DEPDC5: variants seen among roughly 807,000 people sequenced by gnomAD.
The protein encoded by DEPDC5 is GATOR1 complex protein DEPDC5.
Under a neutral mutation model 217.3 loss-of-function variants are expected in DEPDC5, and 73 were observed. The ratio of observed to expected loss-of-function variants is 0.34; its 90% CI spans 0.28 to 0.41. The LOEUF (loss-of-function observed/expected upper bound fraction) is 0.41, where lower values mean the gene tolerates loss of function less well. Among genes scored for constraint, DEPDC5 ranks in the 10% least tolerant of loss-of-function variants. DEPDC5 has a pLI of 1.00. For missense variants in DEPDC5, 1,675 were observed against 2,070.1 expected, an observed-to-expected ratio of 0.81 and a Z score of 3.70; for synonymous variants, 733 against 756.7, an observed-to-expected ratio of 0.97 and a Z score of 0.51.
intron 24 of DEPDC5, chr22:31,830,993 T>A (rs1347341579): frequency 5.9e-5 from 9 of 152,160 alleles, no homozygotes; most frequent in Non-Finnish European, 8.8e-5. Flanking sequence ...CCTCGTTGCT[T>A]CTTTATAATC....
chr22:31,865,074 C>T (rs1034742264), intron 33 of DEPDC5, among the ~76,000 whole-genome samples: 4 of 142,090 alleles, frequency 2.8e-5, no homozygotes, highest in African/African-American at 1.3e-4. Context: ...GATCTACCCG[C>T]CTCGGCCTCC....
intron 20 of DEPDC5, among the ~76,000 whole-genome samples, chr22:31,813,730 C>A (rs2088721388): frequency 6.6e-6 from 1 of 151,376 alleles, no homozygotes. Context: ...AGGAAATGTT[C>A]AGACGTGCTC....
chr22:31,810,678 A>G (rs770000656), intron 20 of DEPDC5, 37 bp downstream of exon 20: 6 of 1,611,454 alleles, frequency 3.7e-6, no homozygotes, highest in South Asian at 3.3e-5. Flanking sequence ...GCATATAAAA[A>G]TTGTGTAGGA....
chr22:31,846,355 T>C (rs2149034263), intron 30 of DEPDC5, among the ~76,000 whole-genome samples: 1 of 152,318 alleles, frequency 6.6e-6, no homozygotes, highest in African/African-American at 2.4e-5. Flanking sequence ...GCCATGTTTT[T>C]TTTGTTTTTA....
At position 31,797,688 on chromosome 22, in the gene DEPDC5, C is replaced by A; in HGVS notation, c.856C>A (p.Arg286=). 6.2e-7 allele frequency: 1 copy of A among 1,613,210 alleles called. No homozygotes were observed. The highest frequency in any genetic ancestry group is 2.2e-5 in the East Asian group (1 of 44,884). The part of the protein sequence containing the change: ...KLFIQYPVLV[R]LEQAEGFPQG... Reference sequence around the variant, plus strand: ...CTTCATCCAGTATCCAGTGTTGGTGCGACTGGAACAGGCAGGTACTGCATT... The same window carrying A: ...CTTCATCCAGTATCCAGTGTTGGTGAGACTGGAACAGGCAGGTACTGCATT... Residue 286 remains arginine (R), a synonymous_variant, in exon 13 of 43, where the codon CGA becomes AGA. Coordinates refer to ENST00000651528, the MANE Select transcript of DEPDC5 (RefSeq NM_001242896.3).
chr22:31,776,277 A>C (rs978742775), intron 7 of DEPDC5, among the ~76,000 whole-genome samples: 1 of 151,474 alleles, frequency 6.6e-6, no homozygotes, highest in African/African-American at 2.4e-5. Flanking sequence ...TACCTGCCTA[A>C]TTTTTTGTAT....
At chr22:31,831,874 A>G (rs2090625516) in intron 24 of DEPDC5, among the ~76,000 whole-genome samples, 1 of 152,250 alleles carries the variant, frequency 6.6e-6, no homozygotes, top group South Asian at 2.1e-4. Flanking sequence ...AAACACATCA[A>G]GATAAGAAAA....
At chr22:31,837,854 A>T (rs150638308) in intron 26 of DEPDC5, among the ~76,000 whole-genome samples, 41 of 152,158 alleles carry the variant, frequency 2.7e-4, no homozygotes, top group African/African-American at 8.9e-4. Flanking sequence ...GGCGTGTGCC[A>T]CCACACATGG....
intron 25 of DEPDC5, among the ~76,000 whole-genome samples, chr22:31,834,658 A>T (rs1055114029): frequency 6.6e-6 from 1 of 151,938 alleles, no homozygotes; most frequent in South Asian, 2.1e-4. Context: ...CTGGGATTAT[A>T]GGCGCGCGCC....
Position 31,754,865 on chromosome 22 carries a change from G to A in DEPDC5, c.-57G>A. The A allele has an allele frequency of 6.3e-7, 1 of 1,593,112 alleles. No individual in the cohort carries two copies. The highest frequency in any genetic ancestry group is 1.1e-5 in the South Asian group (1 of 90,110). On this transcript the variant is annotated 5_prime_UTR_variant, in exon 2 of 43. Transcript: ENST00000651528. ...TTCGTTTGTATTTCTGTGGCAGGGA[G>A]GCAAGATGACTTCTCTGCCCCAAGC...
chr22:31,784,692 C>A (rs1569519635), intron 9 of DEPDC5, 122 bp from the exon 10 acceptor site: 1 of 778,082 alleles, frequency 1.3e-6, no homozygotes, highest in Non-Finnish European at 2.1e-6. Context: ...AAGTTGCAAG[C>A]AGTTTACTTA....
chr22:31,875,011 G>A (rs1375092718), intron 36 of DEPDC5, among the ~76,000 whole-genome samples: 1 of 152,150 alleles, frequency 6.6e-6, no homozygotes, highest in Non-Finnish European at 1.5e-5. Flanking sequence ...TCTGGAATAT[G>A]GCAGAACTGG....
At chr22:31,898,139 G>A (rs921352882) in intron 40 of DEPDC5, among the ~76,000 whole-genome samples, 1 of 152,302 alleles carries the variant, frequency 6.6e-6, no homozygotes, top group East Asian at 1.9e-4. Context: ...TCAGCCTCTG[G>A]AATGGTGCGT....
intron 31 of DEPDC5, among the ~76,000 whole-genome samples, chr22:31,856,052 G>A (rs956739168): frequency 1.3e-5 from 2 of 151,824 alleles, no homozygotes; most frequent in African/African-American, 4.8e-5. Flanking sequence ...GGAAGAAACC[G>A]GAGTGGGTGC....
intron 31 of DEPDC5, among the ~76,000 whole-genome samples, chr22:31,855,060 G>A (rs2092222844): frequency 6.6e-6 from 1 of 151,626 alleles, no homozygotes; most frequent in South Asian, 2.1e-4. Flanking sequence ...TGCCTCCCAG[G>A]TTCAAGCGAT....
intron 25 of DEPDC5, among the ~76,000 whole-genome samples, chr22:31,835,113 T>G (rs978097911): frequency 1.3e-5 from 2 of 152,196 alleles, no homozygotes; most frequent in African/African-American, 4.8e-5. Flanking sequence ...GGCAATATAG[T>G]GAGACCCTGT....
intron 27 of DEPDC5, 40 bp downstream of exon 27, chr22:31,838,885 A>G: frequency 1.9e-6 from 3 of 1,591,894 alleles, no homozygotes; most frequent in South Asian, 1.1e-5. Context: ...TTTCTCTTCT[A>G]CTGTGTATGT....
At chr22:31,868,784 C>G (rs1313717634) in intron 33 of DEPDC5, among the ~76,000 whole-genome samples, 1 of 152,176 alleles carries the variant, frequency 6.6e-6, no homozygotes, top group Non-Finnish European at 1.5e-5. Context: ...AGAAAGATCC[C>G]TTCTGGAAGT....
At chr22:31,885,453 C>T (rs1379637832) in intron 38 of DEPDC5, among the ~76,000 whole-genome samples, 1 of 152,162 alleles carries the variant, frequency 6.6e-6, no homozygotes, top group Non-Finnish European at 1.5e-5. Context: ...GGGCTGGGCG[C>T]GGTGGCTCAC....
Sources: allele counts gnomAD v4.1 joint callset (sites outside exome capture counted in the v4.1 genomes callset), GRCh38; gene constraint gnomAD v4.1.1; transcripts MANE v1.5; gene names NCBI Gene and HGNC (gene_info 2026-07-23, HGNC 2026-07-21).